The following DOCK3 variants were observed in gnomAD, a reference collection of about 807,000 sequenced individuals.
DOCK3 encodes dedicator of cytokinesis 3.
Under a neutral mutation model 265.6 loss-of-function variants are expected in DOCK3, and 60 were observed. That is an observed-to-expected ratio of 0.23 (90% CI 0.18 to 0.28). DOCK3 has a LOEUF of 0.28. Among genes scored for constraint, DOCK3 ranks in the 10% least tolerant of loss-of-function variants. The pLI, the probability that DOCK3 is intolerant of heterozygous loss-of-function variation, is 1.00. For synonymous variants in DOCK3, 881 were observed against 938.0 expected (o/e 0.94, Z 1.11); for missense variants, 1,981 against 2,594.3 (o/e 0.76, Z 5.14).
At chr3:51,326,560 G>C (rs890311390) in intron 32 of DOCK3, among the ~76,000 whole-genome samples, 1 of 151,644 alleles carries the variant, frequency 6.6e-6, no homozygotes, top group Non-Finnish European at 1.5e-5. Flanking sequence ...GATTACAGGC[G>C]TGAGCCCCCA....
chr3:51,349,009 C>T, intron 39 of DOCK3, 71 bp downstream of exon 39: 1 of 1,360,122 alleles, frequency 7.4e-7, no homozygotes, highest in South Asian at 1.2e-5. Context: ...CTCTATGGGC[C>T]CAGCCCTTAG....
intron 9 of DOCK3, among the ~76,000 whole-genome samples, chr3:51,096,733 G>A (rs2082873536): frequency 6.6e-6 from 1 of 152,148 alleles, no homozygotes; most frequent in African/African-American, 2.4e-5. Context: ...CCGGTTTTTG[G>A]AATTTTCAGC....
At chr3:51,232,952 T>C (rs2078188624) in intron 19 of DOCK3, among the ~76,000 whole-genome samples, 1 of 152,216 alleles carries the variant, frequency 6.6e-6, no homozygotes, top group South Asian at 2.1e-4. Flanking sequence ...CATTTTATTT[T>C]GAGGCTCTCT....
At chr3:51,357,917 G>GCTA (rs2086469359) in intron 45 of DOCK3, 44 bp from the exon 46 acceptor site, 1 of 1,612,520 alleles carries the variant, frequency 6.2e-7, no homozygotes, top group African/African-American at 1.3e-5. Context: ...GTTCTCAGGG[G>GCTA]CTACTCATGG....
intron 5 of DOCK3, among the ~76,000 whole-genome samples, chr3:50,978,522 A>G (rs1004337127): frequency 7.2e-5 from 11 of 152,104 alleles, no homozygotes; most frequent in Non-Finnish European, 2.9e-5. Context: ...CCAGCTGCGT[A>G]CTGGGAGAAC....
At chr3:51,078,139 A>T (rs1306574249) in intron 7 of DOCK3, among the ~76,000 whole-genome samples, 1 of 152,204 alleles carries the variant, frequency 6.6e-6, no homozygotes, top group African/African-American at 2.4e-5. Flanking sequence ...GAAGAAAGAG[A>T]CAGCCCAGCA....
In DOCK3 at chr3:51,226,510, T is replaced by G. The variant is rs2090331272; in HGVS notation, c.1377+737T>G. On this transcript the variant is annotated intron_variant, in intron 15 of 52. Transcript: ENST00000266037. ...AAAGGGTAAAATTAGTCAAAATCAT[T>G]TCCCAAATCAAGACAGAAATAGAGG... Among the ~76,000 whole-genome samples the G allele has an allele frequency of 6.6e-5, 10 of 152,184 alleles. No individual in the cohort carries two copies. The South Asian group carries it at 2.1e-3, about 32-fold the overall frequency.
At chr3:51,165,153 G>A (rs1325781450) in intron 12 of DOCK3, among the ~76,000 whole-genome samples, 1 of 151,998 alleles carries the variant, frequency 6.6e-6, no homozygotes, top group African/African-American at 2.4e-5. Flanking sequence ...TGGCTAGGAT[G>A]GTCTTGATCT....
At chr3:51,162,179 T>G (rs1031420788) in intron 12 of DOCK3, among the ~76,000 whole-genome samples, 1 of 152,216 alleles carries the variant, frequency 6.6e-6, no homozygotes, top group Non-Finnish European at 1.5e-5. Context: ...ATACTTCCAA[T>G]CACCATGTTA....
chr3:51,160,888 A>G lies in DOCK3; in HGVS notation c.1037+186A>G, dbSNP rs185997248. Among the ~76,000 whole-genome samples the G allele has an allele frequency of 1.5e-3, 222 of 152,048 alleles. 1 individual carries two copies. Among genetic ancestry groups the G allele is most frequent in the Admixed American group, 2.1e-3 (32 of 15,284 alleles). ...TCAGGAAATCGAGACCATTCTGGCT[A>G]ACACGGTGAAACCTCGTCTCTACTG... On this transcript the variant is annotated intron_variant, in intron 12 of 52. Coordinates refer to ENST00000266037, the MANE Select transcript of DOCK3 (RefSeq NM_004947.5).
chr3:51,271,574 G>A (rs549227370), intron 24 of DOCK3, among the ~76,000 whole-genome samples: 1 of 152,128 alleles, frequency 6.6e-6, no homozygotes, highest in East Asian at 1.9e-4. Context: ...AAAAGAGAAG[G>A]GACTATCTCA....
At chr3:50,734,608 T>TTTTG (rs1252727938) in intron 1 of DOCK3, among the ~76,000 whole-genome samples, 2 of 141,492 alleles carry the variant, frequency 1.4e-5, no homozygotes, top group Admixed American at 7.0e-5. Flanking sequence ...GTGAGTTTTT[T>TTTTG]TTTTTTTTTT....
chr3:51,143,104 C>G (rs533072598), intron 9 of DOCK3, among the ~76,000 whole-genome samples: 1 of 152,056 alleles, frequency 6.6e-6, no homozygotes, highest in Non-Finnish European at 1.5e-5. Flanking sequence ...CCAGGCTGGT[C>G]TCGAACTCCT....
chr3:51,228,516 C>A lies in DOCK3; in HGVS notation c.1648-145C>A, dbSNP rs9844760. ...TGAGCTGTTCTAGGGAGTTTCTGAA[C>A]AGAAAGTACTCTTCCAAGAGGACCT... On this transcript the variant is annotated intron_variant, in intron 17 of 52. Transcript: ENST00000266037. 652 of 891,258 alleles carry A rather than the reference C, an allele frequency of 7.3e-4. 2 individuals carry two copies. The African/African-American group carries it at 9.9e-3, about 14-fold the overall frequency. The allele number at this position is 891,258 out of a possible 1,614,324, so 55.2% of individuals were successfully genotyped here.
At chr3:50,710,089 C>G (rs1306818999) in intron 1 of DOCK3, among the ~76,000 whole-genome samples, 2 of 152,086 alleles carry the variant, frequency 1.3e-5, no homozygotes, top group Non-Finnish European at 2.9e-5. Context: ...CAGAAAAACT[C>G]TTCTAAACAT....
intron 9 of DOCK3, among the ~76,000 whole-genome samples, chr3:51,142,606 G>C (rs2085113814): frequency 6.6e-6 from 1 of 152,024 alleles, no homozygotes; most frequent in Admixed American, 6.5e-5. Flanking sequence ...ACTCTACTAT[G>C]TAGATTATTC....
At chr3:51,227,906 G>T in intron 16 of DOCK3, 76 bp from the exon 17 acceptor site, 1 of 1,407,444 alleles carries the variant, frequency 7.1e-7, no homozygotes, top group Non-Finnish European at 1.0e-6. Flanking sequence ...GAGCATAGGT[G>T]ATAAGCACAA....
intron 9 of DOCK3, among the ~76,000 whole-genome samples, chr3:51,129,442 G>C (rs919351755): frequency 3.3e-5 from 5 of 152,172 alleles, no homozygotes; most frequent in African/African-American, 1.2e-4. Context: ...GAGACCATGG[G>C]CATTTGAACC....
intron 4 of DOCK3, among the ~76,000 whole-genome samples, chr3:50,933,219 C>T (rs2051165969): frequency 6.6e-6 from 1 of 152,280 alleles, no homozygotes; most frequent in Admixed American, 6.5e-5. Flanking sequence ...CACAGCCAAA[C>T]CATATCAGTA....
Sources: allele counts gnomAD v4.1 joint callset (sites outside exome capture counted in the v4.1 genomes callset), GRCh38; gene constraint gnomAD v4.1.1; transcripts MANE v1.5; gene names NCBI Gene and HGNC (gene_info 2026-07-23, HGNC 2026-07-21).